CHRM3: variants seen among roughly 807,000 people sequenced by gnomAD.
CHRM3 encodes muscarinic acetylcholine receptor M3.
CHRM3 carries 11 observed loss-of-function variants against 41.8 expected under a neutral mutation model. The ratio of observed to expected loss-of-function variants is 0.26; its 90% CI spans 0.17 to 0.44. CHRM3 has a LOEUF of 0.44. Ranked by LOEUF, CHRM3 falls within the 20% of genes least tolerant of loss-of-function variation. CHRM3 has a pLI of 1.00. For missense variants in CHRM3, 571 were observed against 745.4 expected (o/e 0.77, Z 2.72); for synonymous variants, 297 against 301.4 (o/e 0.99, Z 0.15).
intron 3 of CHRM3, among the ~76,000 whole-genome samples, chr1:239,549,947 G>A (rs941239964): frequency 5.3e-5 from 8 of 151,778 alleles, no homozygotes; most frequent in African/African-American, 1.9e-4. Context: ...AGGAATGGAA[G>A]TGTATTCAAG....
intron 1 of CHRM3, among the ~76,000 whole-genome samples, chr1:239,478,639 C>G (rs1296607163): frequency 6.6e-6 from 1 of 151,912 alleles, no homozygotes; most frequent in Non-Finnish European, 1.5e-5. Flanking sequence ...AAATTCAGTC[C>G]ATAAATTTAA....
intron 1 of CHRM3, among the ~76,000 whole-genome samples, chr1:239,453,503 T>C (rs1196538293): frequency 6.6e-6 from 1 of 152,198 alleles, no homozygotes; most frequent in African/African-American, 2.4e-5. Flanking sequence ...GACTACACCT[T>C]TGTACAGTTG....
intron 6 of CHRM3, among the ~76,000 whole-genome samples, chr1:239,870,970 C>T (rs1001761830): frequency 3.9e-5 from 6 of 152,078 alleles, no homozygotes; most frequent in Non-Finnish European, 8.8e-5. Context: ...CTTCTCCTGG[C>T]GTCACCCAGA....
At chr1:239,436,882 GC>G (rs1446938534) in intron 1 of CHRM3, among the ~76,000 whole-genome samples, 1 of 151,966 alleles carries the variant, frequency 6.6e-6, no homozygotes, top group Non-Finnish European at 1.5e-5. Context: ...GGGGACTGGT[GC>G]TTTTGCCTAT....
At chr1:239,630,819 G>T (rs1022109672) in intron 3 of CHRM3, among the ~76,000 whole-genome samples, 1 of 151,632 alleles carries the variant, frequency 6.6e-6, no homozygotes, top group Non-Finnish European at 1.5e-5. Flanking sequence ...CCAGCCCAGG[G>T]TATAAAGTGC....
chr1:239,522,801 G>A (rs1408196937), intron 2 of CHRM3, among the ~76,000 whole-genome samples: 1 of 152,168 alleles, frequency 6.6e-6, no homozygotes, highest in African/African-American at 2.4e-5. Flanking sequence ...AAACATTCCT[G>A]TACGAGAGTT....
chr1:239,421,350 T>C (rs1661939985), intron 1 of CHRM3, among the ~76,000 whole-genome samples: 1 of 152,244 alleles, frequency 6.6e-6, no homozygotes, highest in African/African-American at 2.4e-5. Flanking sequence ...GATTCCCTTG[T>C]ATGAAATGCC....
chr1:239,547,428 C>T (rs1234208122), intron 3 of CHRM3, among the ~76,000 whole-genome samples: 1 of 152,184 alleles, frequency 6.6e-6, no homozygotes, highest in East Asian at 1.9e-4. Flanking sequence ...GTGACACTTA[C>T]TAAGTTATCA....
chr1:239,516,419 G>T (rs1358982661), intron 2 of CHRM3, among the ~76,000 whole-genome samples: 1 of 152,172 alleles, frequency 6.6e-6, no homozygotes, highest in African/African-American at 2.4e-5. Context: ...AAGGTGTTTA[G>T]CACATGAGAT....
intron 5 of CHRM3, among the ~76,000 whole-genome samples, chr1:239,736,635 C>T (rs978917508): frequency 2.0e-5 from 3 of 152,104 alleles, no homozygotes; most frequent in Non-Finnish European, 4.4e-5. Flanking sequence ...GTTTGAAACT[C>T]CATCTCAGGA....
intron 6 of CHRM3, among the ~76,000 whole-genome samples, chr1:239,874,663 G>GC (rs1676964944): frequency 6.6e-6 from 1 of 151,536 alleles, no homozygotes; most frequent in South Asian, 2.1e-4. Flanking sequence ...CTGTTACCAG[G>GC]TTGGTGCAAA....
At chr1:239,551,506 A>G (rs1326642306) in intron 3 of CHRM3, among the ~76,000 whole-genome samples, 1 of 137,502 alleles carries the variant, frequency 7.3e-6, no homozygotes, top group Non-Finnish European at 1.6e-5. Flanking sequence ...TTAAAAATAG[A>G]GCAAAAAATA....
chr1:239,902,203 G>C (rs1020797200), intron 6 of CHRM3, among the ~76,000 whole-genome samples: 3 of 152,136 alleles, frequency 2.0e-5, no homozygotes, highest in Non-Finnish European at 4.4e-5. Flanking sequence ...CAAAAAGTTA[G>C]CATTGGGAGA....
At position 239,565,453 on chromosome 1, in the gene CHRM3, G is replaced by A. The variant is rs563334485; in HGVS notation, c.-313+19704G>A. 1.3e-5 allele frequency among the ~76,000 whole-genome samples: 2 copies of A among 152,186 alleles called. 1 individual carries two copies. The highest frequency in any genetic ancestry group is 4.1e-4 in the South Asian group (2 of 4,822). On this transcript the variant is annotated intron_variant, in intron 3 of 6. Transcript: ENST00000676153. ...GGAAGGTATTTTGGGTGAAAATAAT[G>A]GCTCTTTACCCCAGATGCTGCATCT...
chr1:239,878,613 T>TA (rs1225113001), intron 6 of CHRM3, among the ~76,000 whole-genome samples: 2 of 151,434 alleles, frequency 1.3e-5, no homozygotes, highest in Admixed American at 1.3e-4. Flanking sequence ...TTTTTTTTTT[T>TA]AATGAAATCT....
At chr1:239,834,490 A>G (rs774264039) in intron 6 of CHRM3, among the ~76,000 whole-genome samples, 1 of 151,868 alleles carries the variant, frequency 6.6e-6, no homozygotes, top group Non-Finnish European at 1.5e-5. Flanking sequence ...ATAGACCTTT[A>G]GGCAATAGAA....
chr1:239,408,912 A>G (rs985374852), intron 1 of CHRM3, among the ~76,000 whole-genome samples: 1 of 151,914 alleles, frequency 6.6e-6, no homozygotes, highest in Non-Finnish European at 1.5e-5. Context: ...GTGACCTACT[A>G]TGCCCGGCCT....
intron 1 of CHRM3, among the ~76,000 whole-genome samples, chr1:239,481,751 G>C (rs1027950166): frequency 2.6e-5 from 4 of 152,142 alleles, no homozygotes; most frequent in African/African-American, 4.8e-5. Flanking sequence ...TATTCTAGGG[G>C]CTGGGATACA....
intron 3 of CHRM3, among the ~76,000 whole-genome samples, chr1:239,596,311 A>C (rs1047289362): frequency 1.3e-5 from 2 of 152,112 alleles, no homozygotes; most frequent in Non-Finnish European, 2.9e-5. Context: ...TGAAACATGG[A>C]GGTGGAAGAA....
Sources: gnomAD v4.1 joint callset for allele counts (sites outside exome capture counted in the v4.1 genomes callset) on GRCh38, gnomAD v4.1.1 for gene constraint, MANE v1.5 for transcripts, NCBI Gene and HGNC (gene_info 2026-07-23, HGNC 2026-07-21) for gene names.